RNFT2: variants seen among roughly 807,000 people sequenced by gnomAD.
RNFT2 encodes the protein E3 ubiquitin-protein ligase RNFT2.
In RNFT2, 36 loss-of-function variants were observed where a neutral mutation model predicts 53.0. The ratio of observed to expected loss-of-function variants is 0.68; its 90% CI spans 0.52 to 0.90. The LOEUF (loss-of-function observed/expected upper bound fraction) is 0.90. Among genes scored for constraint, RNFT2 ranks in the 40% least tolerant of loss-of-function variants. The pLI is 0.00. For missense variants in RNFT2, 514 were observed against 585.6 expected, an observed-to-expected ratio of 0.88 and a Z score of 1.26; for synonymous variants, 260 against 253.2, an observed-to-expected ratio of 1.03 and a Z score of -0.26.
At position 116,849,754 on chromosome 12, in the gene RNFT2, C is replaced by T; in HGVS notation, c.*306C>T. The stretch of plus-strand genomic sequence containing the variant: ...CAAGGACCTGGCAATACATGAAGTT[C>T]CCACTTGTTGGTTATTTTCTCTTTC... On this transcript the variant is annotated 3_prime_UTR_variant, in exon 11 of 11. Transcript: ENST00000257575. 1 of 1,167,660 alleles carries T rather than the reference C, an allele frequency of 8.6e-7. No individual in the cohort carries two copies. Among genetic ancestry groups the T allele is most frequent in the Non-Finnish European group, 1.1e-6 (1 of 946,938 alleles). 72.3% of individuals were successfully genotyped at this position (1,167,660 alleles called of 1,614,324 possible).
intron 7 of RNFT2, among the ~76,000 whole-genome samples, chr12:116,785,277 C>CG (rs11349950): frequency 0.01 from 511 of 48,672 alleles, 1 homozygote; most frequent in Admixed American, 0.018. Context: ...GTGTGTGTGG[C>CG]GGGGGGGGGT....
At chr12:116,763,115 CA>C (rs1409252902) in intron 5 of RNFT2, among the ~76,000 whole-genome samples, 1 of 151,654 alleles carries the variant, frequency 6.6e-6, no homozygotes, top group African/African-American at 2.4e-5. Context: ...CAATGTTTAG[CA>C]TGGTGCCTGG....
chr12:116,811,532 C>T (rs980599302), intron 7 of RNFT2, among the ~76,000 whole-genome samples: 4 of 152,172 alleles, frequency 2.6e-5, no homozygotes, highest in African/African-American at 7.2e-5. Context: ...CCCACCACCA[C>T]ACCTGGCTAA....
intron 7 of RNFT2, among the ~76,000 whole-genome samples, chr12:116,811,665 C>T (rs955933258): frequency 6.6e-6 from 1 of 152,164 alleles, no homozygotes; most frequent in Admixed American, 6.5e-5. Context: ...CGTGAGCCAA[C>T]GCACCCGGCA....
chr12:116,808,228 G>A (rs115167772), intron 7 of RNFT2, among the ~76,000 whole-genome samples: 3,102 of 152,072 alleles, frequency 0.02, 114 homozygotes, highest in African/African-American at 0.07. Context: ...GCCTCCTAAA[G>A]TGCTCGTAAG....
chr12:116,785,469 C>T (rs901765267), intron 7 of RNFT2, among the ~76,000 whole-genome samples: 2 of 151,960 alleles, frequency 1.3e-5, no homozygotes, highest in Non-Finnish European at 2.9e-5. Context: ...TTTTTTAATT[C>T]TTCTTGGGGA....
chr12:116,771,928 A>G (rs1873215420), intron 6 of RNFT2, among the ~76,000 whole-genome samples: 1 of 151,822 alleles, frequency 6.6e-6, no homozygotes, highest in Admixed American at 6.6e-5. Context: ...AATCTCACTC[A>G]CTCCCATGAA....
At chr12:116,822,877 A>G (rs1228303781) in intron 7 of RNFT2, among the ~76,000 whole-genome samples, 2 of 152,166 alleles carry the variant, frequency 1.3e-5, no homozygotes, top group Non-Finnish European at 2.9e-5. Context: ...CACGCCTATA[A>G]TCCCAGCTAC....
chr12:116,810,012 A>G (rs1214442933), intron 7 of RNFT2, among the ~76,000 whole-genome samples: 1 of 152,142 alleles, frequency 6.6e-6, no homozygotes, highest in African/African-American at 2.4e-5. Context: ...TGAGGAAACC[A>G]AGTCCCCAAA....
At chr12:116,744,368 C>T (rs1871797778) in intron 3 of RNFT2, among the ~76,000 whole-genome samples, 1 of 152,144 alleles carries the variant, frequency 6.6e-6, no homozygotes, top group Non-Finnish European at 1.5e-5. Flanking sequence ...TCAAGTGAAC[C>T]ATGAGATCTC....
At chr12:116,848,171 T>A (rs1420505995) in intron 10 of RNFT2, among the ~76,000 whole-genome samples, 1 of 152,196 alleles carries the variant, frequency 6.6e-6, no homozygotes, top group Non-Finnish European at 1.5e-5. Flanking sequence ...GCAAAGGACA[T>A]GATCTCGTTC....
At position 116,821,930 on chromosome 12, in the gene RNFT2, G is replaced by A. The variant is rs186774622; in HGVS notation, c.883-11862G>A. On this transcript the variant is annotated intron_variant, in intron 7 of 10. Coordinates refer to ENST00000257575, the MANE Select transcript of RNFT2 (RefSeq NM_001382266.1). The stretch of plus-strand genomic sequence containing the variant: ...GCCCACTGCAGCCTCTGCCTCCCGG[G>A]TTCAAGCCATTCTCCTGCCTCAGCC... Among the ~76,000 whole-genome samples the A allele has an allele frequency of 9.7e-3, 1,404 of 145,250 alleles. 9 individuals are homozygous for A. The highest frequency in any genetic ancestry group is 0.016 in the Non-Finnish European group (1,047 of 66,980).
chr12:116,754,327 C>T (rs1048740085), intron 5 of RNFT2, among the ~76,000 whole-genome samples: 2 of 152,046 alleles, frequency 1.3e-5, no homozygotes, highest in Non-Finnish European at 2.9e-5. Flanking sequence ...TGTAGCATTC[C>T]ACCATGTATA....
At chr12:116,794,634 G>A (rs898256334) in intron 7 of RNFT2, among the ~76,000 whole-genome samples, 1 of 127,950 alleles carries the variant, frequency 7.8e-6, no homozygotes, top group Non-Finnish European at 1.6e-5. Context: ...GAAGAGAAGG[G>A]GAGGGGAGGG....
At chr12:116,740,783 C>T (rs756675091) in intron 2 of RNFT2, 1 of 620,588 alleles carries the variant, frequency 1.6e-6, no homozygotes, top group Non-Finnish European at 2.9e-6. Flanking sequence ...TATCCTCTCA[C>T]ATGAGGACTT....
intron 7 of RNFT2, among the ~76,000 whole-genome samples, chr12:116,789,121 G>T (rs1475606565): frequency 2.0e-5 from 3 of 150,548 alleles, no homozygotes; most frequent in Non-Finnish European, 4.4e-5. Context: ...AAGGAGAGTG[G>T]ATGGGTGGAT....
chr12:116,833,635 G>A (rs1476780759), intron 7 of RNFT2, among the ~76,000 whole-genome samples, 157 bp from the exon 8 acceptor site: 1 of 152,222 alleles, frequency 6.6e-6, no homozygotes, highest in Non-Finnish European at 1.5e-5. Context: ...TGGCCATATC[G>A]CAGCCCCATT....
At chr12:116,846,239 T>C (rs1428434527) in intron 10 of RNFT2, among the ~76,000 whole-genome samples, 7 of 152,106 alleles carry the variant, frequency 4.6e-5, no homozygotes, top group Non-Finnish European at 1.5e-5. Flanking sequence ...GCACTTACTA[T>C]TTGCCAGTCA....
chr12:116,765,159 C>T (rs1438574898), intron 5 of RNFT2, among the ~76,000 whole-genome samples: 1 of 152,156 alleles, frequency 6.6e-6, no homozygotes, highest in Non-Finnish European at 1.5e-5. Flanking sequence ...CTCCTTTGTC[C>T]TTCAGTTTCT....
Sources: allele counts gnomAD v4.1 joint callset (sites outside exome capture counted in the v4.1 genomes callset), GRCh38; gene constraint gnomAD v4.1.1; transcripts MANE v1.5; gene names NCBI Gene and HGNC (gene_info 2026-07-23, HGNC 2026-07-21).